Variants in NUP93 observed in about 807,000 individuals in gnomAD.
NUP93 encodes the protein nuclear pore complex protein Nup93.
A neutral mutation model predicts 107.8 loss-of-function variants in NUP93; 55 were observed. The ratio of observed to expected loss-of-function variants is 0.51; its 90% CI spans 0.41 to 0.64. The LOEUF (loss-of-function observed/expected upper bound fraction) is 0.64, where lower values mean the gene tolerates loss of function less well. Ranked by LOEUF, NUP93 falls within the 30% of genes least tolerant of loss-of-function variation. The pLI, the probability that NUP93 is intolerant of heterozygous loss-of-function variation, is 0.00. For missense variants in NUP93, 937 were observed against 1,044.7 expected, an observed-to-expected ratio of 0.90 and a Z score of 1.42; for synonymous variants, 390 against 397.5, an observed-to-expected ratio of 0.98 and a Z score of 0.22.
At chr16:56,835,215 A>G (rs1963885601) in intron 16 of NUP93, among the ~76,000 whole-genome samples, 1 of 152,230 alleles carries the variant, frequency 6.6e-6, no homozygotes, top group Non-Finnish European at 1.5e-5. Context: ...GACCCTGGAA[A>G]TACTTCTGGA....
chr16:56,818,870 A>G (rs1475707449), intron 6 of NUP93, 132 bp downstream of exon 6: 1 of 668,438 alleles, frequency 1.5e-6, no homozygotes. Context: ...GAACTAGTTA[A>G]TATTTTAGCA....
chr16:56,756,887 TAATC>T, intron 2 of NUP93, among the ~76,000 whole-genome samples: 1 of 152,358 alleles, frequency 6.6e-6, no homozygotes, highest in East Asian at 1.9e-4. Context: ...ATTTCTCTAA[TAATC>T]AGTGATATTG....
intron 2 of NUP93, among the ~76,000 whole-genome samples, chr16:56,753,582 T>G (rs1217739758): frequency 3.3e-5 from 5 of 152,236 alleles, no homozygotes; most frequent in African/African-American, 1.2e-4. Flanking sequence ...ATCTACATTT[T>G]TAACAAGCTT....
intron 3 of NUP93, among the ~76,000 whole-genome samples, chr16:56,763,508 GTGTGTGTATGTGTGGGTGTGTGT>G (rs1420073365): frequency 1.3e-4 from 16 of 126,484 alleles, no homozygotes. Flanking sequence ...GGGTGGGTGT[GTGTGTGTATGTGTGGGTGTGTGT>G]GTGTGTGTAT....
intron 3 of NUP93, among the ~76,000 whole-genome samples, chr16:56,761,961 A>G (rs1283681073): frequency 2.0e-5 from 3 of 152,224 alleles, no homozygotes; most frequent in Non-Finnish European, 4.4e-5. Flanking sequence ...AAATATATGT[A>G]GGGATGATAC....
intron 4 of NUP93, among the ~76,000 whole-genome samples, chr16:56,799,871 T>C (rs959609874): frequency 2.0e-5 from 3 of 152,194 alleles, no homozygotes; most frequent in Non-Finnish European, 4.4e-5. Context: ...TTTAAATGAC[T>C]GATATGTTTA....
chr16:56,837,265 CA>C (rs1160850439), intron 17 of NUP93, among the ~76,000 whole-genome samples: 6 of 152,040 alleles, frequency 3.9e-5, no homozygotes, highest in Non-Finnish European at 7.4e-5. Flanking sequence ...GAAAAGTAGA[CA>C]AAAAAACAGC....
rs1381593928 is a variant in NUP93 at position 56,823,676 on chromosome 16, C to T, written c.655-31C>T. 7 of 1,610,638 alleles carry T rather than the reference C, an allele frequency of 4.3e-6. No individual in the cohort carries two copies. In the South Asian group the frequency reaches 6.6e-5, roughly 15 times the overall value. The stretch of plus-strand genomic sequence containing the variant: ...CTAGATAATTTCTCTGGCCCTGCAG[C>T]ATTGTCACATGCAGTTTCATTTATG... On this transcript the variant is annotated intron_variant, in intron 7 of 21. Transcript: ENST00000308159.
intron 3 of NUP93, among the ~76,000 whole-genome samples, chr16:56,758,889 A>G (rs1962075475): frequency 6.6e-6 from 1 of 152,332 alleles, no homozygotes. Context: ...TGCACTTTTT[A>G]GATTATTATA....
At position 56,781,069 on chromosome 16, in the gene NUP93, G is replaced by GA. The variant is rs1299217297; in HGVS notation, c.298-17400dup. Among the ~76,000 whole-genome samples, 9 of 152,166 alleles carry GA rather than the reference G, an allele frequency of 5.9e-5. No individual in the cohort carries two copies. In the East Asian group the frequency reaches 1.7e-3, roughly 29 times the overall value. ...TCAGGTTATATGTTAAAACGTGGAG[G>GA]AAAAAAATCCCTTCCTGAGGAGCAC... On this transcript the variant is annotated intron_variant, in intron 3 of 21. Coordinates refer to ENST00000308159, the MANE Select transcript of NUP93 (RefSeq NM_014669.5).
intron 15 of NUP93, 79 bp from the exon 16 acceptor site, chr16:56,834,655 C>T (rs1963874058): frequency 2.3e-6 from 3 of 1,316,834 alleles, no homozygotes; most frequent in Non-Finnish European, 2.2e-6. Flanking sequence ...ATTTGATTCC[C>T]CTCTTTTTTC....
intron 1 of NUP93, among the ~76,000 whole-genome samples, chr16:56,735,681 A>G (rs1961599693): frequency 6.6e-6 from 1 of 151,870 alleles, no homozygotes. Context: ...CCCAAAAATT[A>G]GCTGGGCATG....
chr16:56,823,621 C>A (rs1174007207), intron 7 of NUP93, 86 bp from the exon 8 acceptor site: 5 of 1,486,924 alleles, frequency 3.4e-6, no homozygotes, highest in Admixed American at 3.4e-5. Context: ...CACATTCTGC[C>A]CCCTTTGGAG....
intron 3 of NUP93, among the ~76,000 whole-genome samples, chr16:56,770,718 A>G (rs1210056239): frequency 4.6e-5 from 7 of 152,162 alleles, no homozygotes; most frequent in African/African-American, 1.4e-4. Context: ...AATTGATAAT[A>G]GAGAAGTGAG....
intron 1 of NUP93, among the ~76,000 whole-genome samples, chr16:56,731,034 TTTC>T (rs1232024686): frequency 6.6e-6 from 1 of 152,156 alleles, no homozygotes; most frequent in African/African-American, 2.4e-5. Context: ...CATCCTAGCT[TTTC>T]TTCTTTATTT....
At chr16:56,815,291 G>A (rs1963397434) in intron 5 of NUP93, among the ~76,000 whole-genome samples, 1 of 152,138 alleles carries the variant, frequency 6.6e-6, no homozygotes, top group Admixed American at 6.5e-5. Context: ...GCTGTGTCCT[G>A]TAAAAAGACT....
At chr16:56,784,003 ATT>A in intron 3 of NUP93, 1 of 497,864 alleles carries the variant, frequency 2.0e-6, no homozygotes, top group Non-Finnish European at 2.6e-6. Context: ...GTTACACTGG[ATT>A]TTTTTTTAAT....
At position 56,784,941 on chromosome 16, in the gene NUP93, C is replaced by T. The variant is rs1316298222; in HGVS notation, c.298-13535C>T. Among the ~76,000 whole-genome samples the T allele has an allele frequency of 2.0e-5, 3 of 152,218 alleles. No individual in the cohort carries two copies. In the East Asian group the frequency reaches 5.8e-4, roughly 29 times the overall value. ...GCCTTTTCATTGACATAGGAAGGTT[C>T]GGTTGTTGTAAGCCCTGGTTAGAAT... On this transcript the variant is annotated intron_variant, in intron 3 of 21. Coordinates refer to ENST00000308159, the MANE Select transcript of NUP93 (RefSeq NM_014669.5).
intron 8 of NUP93, among the ~76,000 whole-genome samples, chr16:56,826,398 C>T (rs1293304056): frequency 6.6e-6 from 1 of 151,802 alleles, no homozygotes; most frequent in Non-Finnish European, 1.5e-5. Flanking sequence ...TGGCGCAAGT[C>T]CCAGCTACTT....
Sources: gnomAD v4.1 joint callset for allele counts (sites outside exome capture counted in the v4.1 genomes callset) on GRCh38, gnomAD v4.1.1 for gene constraint, MANE v1.5 for transcripts, NCBI Gene and HGNC (gene_info 2026-07-23, HGNC 2026-07-21) for gene names.